The following XNDC1N variants were observed in gnomAD, a reference collection of about 807,000 sequenced individuals.
XNDC1N encodes XRCC1 N-terminal domain containing 1, N-terminal like, also known as protein XNDC1N.
At chr11:71,895,916 C>A in the XNDC1N span, among the ~76,000 whole-genome samples, 1 of 152,164 alleles carries the variant, frequency 6.6e-6, no homozygotes, top group African/African-American at 2.4e-5. Context: ...CAGATCTGTA[C>A]ATTAAATGAA....
the XNDC1N span, among the ~76,000 whole-genome samples, chr11:71,919,640 CAG>C: frequency 1.3e-4 from 16 of 126,388 alleles, no homozygotes; most frequent in Middle Eastern, 6.0e-3. Context: ...TTTTTTGAGA[CAG>C]AGTCTCACTC....
the XNDC1N span, among the ~76,000 whole-genome samples, chr11:71,886,451 T>G: frequency 0.029 from 4,299 of 148,808 alleles, 71 homozygotes; most frequent in East Asian, 0.083. Flanking sequence ...AAAGAGAGGA[T>G]ATGCAAAGGC....
chr11:71,883,304 C>G, the XNDC1N span, among the ~76,000 whole-genome samples: 41 of 150,624 alleles, frequency 2.7e-4, no homozygotes, highest in Non-Finnish European at 4.5e-4. Flanking sequence ...GCAAGAAAAA[C>G]AAAGCTAGGG....
the XNDC1N span, among the ~76,000 whole-genome samples, chr11:71,866,686 C>T: frequency 4.6e-5 from 7 of 151,962 alleles, no homozygotes; most frequent in African/African-American, 1.7e-4. Context: ...ATCACTTAAA[C>T]CCAGGAGGGA....
the XNDC1N span, among the ~76,000 whole-genome samples, chr11:71,899,949 G>GA: frequency 1.3e-5 from 2 of 151,236 alleles, no homozygotes; most frequent in South Asian, 4.2e-4. Flanking sequence ...TGAGATGGGG[G>GA]AAAAACCGCC....
At chr11:71,884,340 A>G in the XNDC1N span, 23 of 1,414,080 alleles carry the variant, frequency 1.6e-5, no homozygotes, top group African/African-American at 3.2e-4. Flanking sequence ...ATTATAAAAC[A>G]TTTCAGACAT....
chr11:71,890,538 C>T, the XNDC1N span, among the ~76,000 whole-genome samples: 5 of 152,076 alleles, frequency 3.3e-5, no homozygotes, highest in Non-Finnish European at 4.4e-5. Context: ...TGTACACACA[C>T]TTTGATATTG....
the XNDC1N span, among the ~76,000 whole-genome samples, chr11:71,895,065 G>A: frequency 1.3e-5 from 2 of 151,906 alleles, no homozygotes; most frequent in Non-Finnish European, 2.9e-5. Context: ...TGAGGCCTGG[G>A]TCTCAATACC....
the XNDC1N span, among the ~76,000 whole-genome samples, chr11:71,905,840 A>T: frequency 5.1e-4 from 78 of 152,194 alleles, no homozygotes; most frequent in African/African-American, 1.7e-3. Context: ...AGATATTACA[A>T]ATATTATCCC....
At chr11:71,866,053 T>C in the XNDC1N span, among the ~76,000 whole-genome samples, 1 of 152,184 alleles carries the variant, frequency 6.6e-6, no homozygotes, top group Non-Finnish European at 1.5e-5. Flanking sequence ...AAAGACAGCT[T>C]CACGTATAAA....
chr11:71,926,865 T>A, the XNDC1N span, among the ~76,000 whole-genome samples: 3 of 151,898 alleles, frequency 2.0e-5, no homozygotes, highest in Non-Finnish European at 1.5e-5. Context: ...CACCCCTCTG[T>A]ACTCCAGCCT....
At chr11:71,900,050 G>T in the XNDC1N span, among the ~76,000 whole-genome samples, 1 of 152,266 alleles carries the variant, frequency 6.6e-6, no homozygotes, top group African/African-American at 2.4e-5. Flanking sequence ...ACCTAAATCT[G>T]GCTGATGTGC....
chr11:71,891,893 G>A, the XNDC1N span, among the ~76,000 whole-genome samples: 4 of 151,900 alleles, frequency 2.6e-5, no homozygotes, highest in African/African-American at 7.2e-5. Flanking sequence ...TTTACAAACA[G>A]GGGTGGTGTA....
At chr11:71,884,970 G>A in the XNDC1N span, among the ~76,000 whole-genome samples, 4 of 152,030 alleles carry the variant, frequency 2.6e-5, no homozygotes, top group Admixed American at 2.0e-4. Context: ...GATGCAGGGA[G>A]TAAGAGCCAG....
chr11:71,890,803 G>A, the XNDC1N span, among the ~76,000 whole-genome samples: 1 of 152,002 alleles, frequency 6.6e-6, no homozygotes. Context: ...CTTCCCCCCT[G>A]GATATTAGGA....
the XNDC1N span, among the ~76,000 whole-genome samples, chr11:71,874,964 C>T: frequency 6.6e-6 from 1 of 152,118 alleles, no homozygotes; most frequent in Non-Finnish European, 1.5e-5. Flanking sequence ...GTTTTACTCG[C>T]TCCATATAAG....
chr11:71,890,023 C>T, the XNDC1N span, among the ~76,000 whole-genome samples: 1 of 152,160 alleles, frequency 6.6e-6, no homozygotes, highest in Non-Finnish European at 1.5e-5. Context: ...GGGGATCACA[C>T]GGAAACTGCA....
At chr11:71,892,536 C>T in the XNDC1N span, among the ~76,000 whole-genome samples, 5 of 152,028 alleles carry the variant, frequency 3.3e-5, no homozygotes, top group African/African-American at 4.8e-5. Context: ...ACAGGGTGTA[C>T]GCCCACTCTA....
At chr11:71,902,828 AAAGTG>A in the XNDC1N span, among the ~76,000 whole-genome samples, 1 of 152,242 alleles carries the variant, frequency 6.6e-6, no homozygotes, top group Non-Finnish European at 1.5e-5. Flanking sequence ...CCTTTTTCTT[AAAGTG>A]AAGACAATGC....
Sources: allele counts gnomAD v4.1 joint callset (sites outside exome capture counted in the v4.1 genomes callset), GRCh38; gene constraint gnomAD v4.1.1; transcripts MANE v1.5; gene names NCBI Gene and HGNC (gene_info 2026-07-23, HGNC 2026-07-21).